Variants in MACROD2 observed in about 807,000 individuals in gnomAD.
MACROD2 encodes ADP-ribose glycohydrolase MACROD2.
In MACROD2, 36 loss-of-function variants were observed where a neutral mutation model predicts 70.4. That is an observed-to-expected ratio of 0.51 (90% CI 0.39 to 0.68). The LOEUF (loss-of-function observed/expected upper bound fraction) is 0.68. Among genes scored for constraint, MACROD2 ranks in the 30% least tolerant of loss-of-function variants. The pLI is 0.00. For synonymous variants in MACROD2, 172 were observed against 178.8 expected, an observed-to-expected ratio of 0.96 and a Z score of 0.30; for missense variants, 496 against 538.4, an observed-to-expected ratio of 0.92 and a Z score of 0.78.
At chr20:15,241,202 G>A (rs1021333954) in intron 6 of MACROD2, among the ~76,000 whole-genome samples, 3 of 152,186 alleles carry the variant, frequency 2.0e-5, no homozygotes, top group African/African-American at 7.2e-5. Flanking sequence ...AAAGTTCTCA[G>A]TAGATTACAT....
Position 15,633,426 on chromosome 20 carries a change from T to C in MACROD2, c.645+133579T>C, listed in dbSNP as rs145193467. Among the ~76,000 whole-genome samples, 88 of 152,302 alleles carry C rather than the reference T, an allele frequency of 5.8e-4. No individual in the cohort carries two copies. In the East Asian group the frequency reaches 0.014, roughly 24 times the overall value. ...AAATCTTACAGTGGGACTTCATTAG[T>C]GTGACAAGTGAGAAGTAACAAATTT... On this transcript the variant is annotated intron_variant, in intron 8 of 17. Coordinates refer to ENST00000684519, the MANE Select transcript of MACROD2 (RefSeq NM_001351661.2).
chr20:15,307,687 T>A (rs1416891059), intron 6 of MACROD2, among the ~76,000 whole-genome samples: 1 of 152,216 alleles, frequency 6.6e-6, no homozygotes, highest in Non-Finnish European at 1.5e-5. Context: ...TTATCTAATT[T>A]ATGCACCTTG....
chr20:15,528,698 C>A (rs150428306), intron 8 of MACROD2, among the ~76,000 whole-genome samples: 91 of 150,848 alleles, frequency 6.0e-4, no homozygotes, highest in African/African-American at 2.1e-3. Context: ...ATTAAAATAT[C>A]TCATTTGTTC....
In MACROD2 at chr20:15,192,052, A is replaced by ATCTATCTC. The variant is rs1555791206; in HGVS notation, c.419-37881_419-37880insCTCTATCT. On this transcript the variant is annotated intron_variant, in intron 5 of 17. Coordinates refer to ENST00000684519, the MANE Select transcript of MACROD2 (RefSeq NM_001351661.2). ...TATCTATCTATCTATCTATCTATCTATCTATCTATCTAAAACTCTCTCTCT... is the reference window on the plus strand; with the variant it reads ...TATCTATCTATCTATCTATCTATCTATCTATCTCTCTATCTATCTAAAACTCTCTCTCT... Among the ~76,000 whole-genome samples, 78 of 150,878 alleles carry ATCTATCTC rather than the reference A, an allele frequency of 5.2e-4. No individual in the cohort carries two copies. The South Asian group carries it at 6.1e-3, about 12-fold the overall frequency.
chr20:15,270,960 G>C (rs762685638), intron 6 of MACROD2, among the ~76,000 whole-genome samples: 5 of 152,008 alleles, frequency 3.3e-5, no homozygotes, highest in Non-Finnish European at 5.9e-5. Context: ...TTTCACTACT[G>C]TGTCTTACAA....
Position 16,033,111 on chromosome 20 carries a change from A to C in MACROD2, c.1154-8090A>C, listed in dbSNP as rs184819794. Among the ~76,000 whole-genome samples, 226 of 152,234 alleles carry C rather than the reference A, an allele frequency of 1.5e-3. 2 individuals carry two copies. Among genetic ancestry groups the C allele is most frequent in the Non-Finnish European group, 2.8e-4 (19 of 67,984 alleles). On this transcript the variant is annotated intron_variant, in intron 15 of 17. Coordinates refer to ENST00000684519, the MANE Select transcript of MACROD2 (RefSeq NM_001351661.2). ...GAGAGTAAAATAGCTACATGTTAATAAAGTTTTTATATGGAATCTGACTTT... is the reference window on the plus strand; with the variant it reads ...GAGAGTAAAATAGCTACATGTTAATCAAGTTTTTATATGGAATCTGACTTT...
intron 5 of MACROD2, among the ~76,000 whole-genome samples, chr20:15,146,211 G>T (rs419979): frequency 0.59 from 88,961 of 151,238 alleles, 26,223 homozygotes; most frequent in East Asian, 0.65. Context: ...CATCTATTTT[G>T]ATTTTTCCTA....
chr20:14,899,728 C>T (rs1287121701), intron 5 of MACROD2, among the ~76,000 whole-genome samples: 2 of 152,100 alleles, frequency 1.3e-5, no homozygotes, highest in Admixed American at 6.5e-5. Flanking sequence ...CACGATTCAA[C>T]CCATAGCAGC....
At chr20:14,906,537 TG>T (rs2073961603) in intron 5 of MACROD2, among the ~76,000 whole-genome samples, 1 of 152,140 alleles carries the variant, frequency 6.6e-6, no homozygotes, top group South Asian at 2.1e-4. Flanking sequence ...AGCAATGACC[TG>T]GTTTTTACGT....
intron 5 of MACROD2, among the ~76,000 whole-genome samples, chr20:14,722,890 CA>C (rs1311149834): frequency 4.6e-5 from 7 of 152,028 alleles, no homozygotes; most frequent in Admixed American, 2.6e-4. Flanking sequence ...TTATATCAGA[CA>C]AAAAAATAAT....
chr20:14,156,676 C>T (rs994955457), intron 3 of MACROD2, among the ~76,000 whole-genome samples: 2 of 152,064 alleles, frequency 1.3e-5, no homozygotes, highest in Non-Finnish European at 2.9e-5. Context: ...GTGAGTCATC[C>T]ATGTAATTTT....
At chr20:15,231,275 C>A (rs1460128810) in intron 6 of MACROD2, among the ~76,000 whole-genome samples, 1 of 151,964 alleles carries the variant, frequency 6.6e-6, no homozygotes, top group African/African-American at 2.4e-5. Flanking sequence ...ACATAAGATC[C>A]TATTCTCTCT....
chr20:15,753,032 C>T (rs1347660885), intron 8 of MACROD2, among the ~76,000 whole-genome samples: 2 of 152,098 alleles, frequency 1.3e-5, no homozygotes, highest in Non-Finnish European at 2.9e-5. Flanking sequence ...AATTTATACT[C>T]TTTTGCAAAG....
chr20:14,554,893 A>G (rs1489662122), intron 4 of MACROD2, among the ~76,000 whole-genome samples: 1 of 152,106 alleles, frequency 6.6e-6, no homozygotes. Context: ...ATTTACTCAT[A>G]TTAAATGCAT....
chr20:15,112,885 T>C (rs2075965211), intron 5 of MACROD2, among the ~76,000 whole-genome samples: 1 of 152,144 alleles, frequency 6.6e-6, no homozygotes, highest in Non-Finnish European at 1.5e-5. Flanking sequence ...GTGGAATCAT[T>C]ATATCTGTCC....
chr20:14,185,355 C>T (rs1204655595), intron 3 of MACROD2, among the ~76,000 whole-genome samples: 1 of 152,146 alleles, frequency 6.6e-6, no homozygotes, highest in African/African-American at 2.4e-5. Flanking sequence ...GGACTATCTA[C>T]ACCTAGGGAG....
chr20:14,136,247 A>G (rs374656298), intron 3 of MACROD2, among the ~76,000 whole-genome samples: 3 of 152,186 alleles, frequency 2.0e-5, no homozygotes, highest in African/African-American at 7.2e-5. Context: ...CTCAAAATGG[A>G]TCGTAGACTT....
chr20:14,487,601 T>G (rs2084750223), intron 3 of MACROD2, among the ~76,000 whole-genome samples: 1 of 152,174 alleles, frequency 6.6e-6, no homozygotes, highest in Non-Finnish European at 1.5e-5. Flanking sequence ...TTCCCTTATC[T>G]TCCATTCATT....
chr20:15,773,281 T>C lies in MACROD2; in HGVS notation c.646-89464T>C, dbSNP rs2051667449. Among the ~76,000 whole-genome samples the C allele has an allele frequency of 2.6e-5, 4 of 152,106 alleles. No homozygotes were observed. In the South Asian group the frequency reaches 8.3e-4, roughly 31 times the overall value. ...TTTTAAGAATGTCACAGATGTTAAG[T>C]TGTAAATCAGGGAGTGCTATTTTTT... On this transcript the variant is annotated intron_variant, in intron 8 of 17. Transcript: ENST00000684519.
Sources: allele counts gnomAD v4.1 joint callset (sites outside exome capture counted in the v4.1 genomes callset), GRCh38; gene constraint gnomAD v4.1.1; transcripts MANE v1.5; gene names NCBI Gene and HGNC (gene_info 2026-07-23, HGNC 2026-07-21).